RABGEF1: variants seen among roughly 807,000 people sequenced by gnomAD.
RABGEF1 encodes rab5 GDP/GTP exchange factor.
Under a neutral mutation model 57.3 loss-of-function variants are expected in RABGEF1, and 26 were observed. That is an observed-to-expected ratio of 0.45 (90% CI 0.33 to 0.63). RABGEF1 has a LOEUF of 0.63. Among genes scored for constraint, RABGEF1 ranks in the 20% least tolerant of loss-of-function variants. The pLI is 0.02. For missense variants in RABGEF1, 464 were observed against 607.6 expected (o/e 0.76, Z 2.48); for synonymous variants, 185 against 210.7 (o/e 0.88, Z 1.06).
At chr7:66,767,480 C>A (rs933609522) in intron 1 of RABGEF1, among the ~76,000 whole-genome samples, 2 of 152,186 alleles carry the variant, frequency 1.3e-5, no homozygotes, top group Non-Finnish European at 2.9e-5. Flanking sequence ...TTCTTTCCTA[C>A]CCCTAGTTCC....
intron 3 of RABGEF1, among the ~76,000 whole-genome samples, chr7:66,781,120 T>C (rs1368532205): frequency 6.6e-6 from 1 of 152,152 alleles, no homozygotes; most frequent in Non-Finnish European, 1.5e-5. Context: ...TTTCTCTTCT[T>C]TTCTTGCCTT....
intron 1 of RABGEF1, among the ~76,000 whole-genome samples, chr7:66,705,875 AATTTTTTTTTTTTTT>A (rs1793993020): frequency 1.1e-5 from 1 of 93,770 alleles, no homozygotes; most frequent in African/African-American, 4.5e-5. Flanking sequence ...ACACCCAGCT[AATTTTTTTTTTTTTT>A]TTTTTTTTTT....
intron 2 of RABGEF1, among the ~76,000 whole-genome samples, chr7:66,723,588 G>GT (rs1012706855): frequency 2.2e-4 from 33 of 149,602 alleles, no homozygotes; most frequent in East Asian, 3.9e-4. Flanking sequence ...TTTTGTTTTT[G>GT]TTTTTTTTTG....
intron 1 of RABGEF1, among the ~76,000 whole-genome samples, chr7:66,710,605 T>C (rs1404386919): frequency 6.6e-6 from 1 of 152,226 alleles, no homozygotes; most frequent in Non-Finnish European, 1.5e-5. Flanking sequence ...TATCCTCTTA[T>C]GGTTTTAAGT....
intron 2 of RABGEF1, among the ~76,000 whole-genome samples, chr7:66,722,840 A>G (rs1284554033): frequency 3.3e-5 from 5 of 152,228 alleles, no homozygotes; most frequent in Admixed American, 6.5e-5. Flanking sequence ...TGAGATTTTG[A>G]TAAGGATTAC....
At chr7:66,774,456 C>A (rs375993120) in intron 2 of RABGEF1, among the ~76,000 whole-genome samples, 1 of 152,220 alleles carries the variant, frequency 6.6e-6, no homozygotes, top group African/African-American at 2.4e-5. Flanking sequence ...AGATTCCCTA[C>A]CCTCTGGAGC....
intron 4 of RABGEF1, among the ~76,000 whole-genome samples, chr7:66,794,093 A>T (rs1373516128): frequency 4.6e-5 from 7 of 152,146 alleles, no homozygotes; most frequent in Non-Finnish European, 1.0e-4. Flanking sequence ...GGTTGCTAAA[A>T]AATTTAGTTA....
intron 2 of RABGEF1, among the ~76,000 whole-genome samples, chr7:66,729,463 C>T (rs765531571): frequency 3.3e-5 from 5 of 152,184 alleles, no homozygotes; most frequent in Non-Finnish European, 5.9e-5. Flanking sequence ...CACTTCTGTC[C>T]TCCCCTTCCT....
chr7:66,699,691 CA>C (rs66868045), intron 1 of RABGEF1, among the ~76,000 whole-genome samples: 54,606 of 136,294 alleles, frequency 0.4, 10,330 homozygotes, highest in Middle Eastern at 0.58. Flanking sequence ...AATTCCATCT[CA>C]AAAAAAAAAA....
the RABGEF1 span, chr7:66,667,359 G>A: frequency 6.6e-6 from 1 of 152,318 alleles, no homozygotes; most frequent in African/African-American, 2.4e-5. Context: ...CATCCATTTT[G>A]TTCCCGCTGA....
At chr7:66,705,413 G>A (rs1793867113) in intron 1 of RABGEF1, among the ~76,000 whole-genome samples, 2 of 127,670 alleles carry the variant, frequency 1.6e-5, no homozygotes, top group Admixed American at 9.5e-5. Flanking sequence ...CTCCAGCCTG[G>A]GCAACAGAGC....
At chr7:66,793,854 C>T (rs1188374366) in intron 4 of RABGEF1, among the ~76,000 whole-genome samples, 3 of 152,188 alleles carry the variant, frequency 2.0e-5, no homozygotes, top group South Asian at 2.1e-4. Context: ...TGGGCTTCCA[C>T]AGGATGTATC....
At chr7:66,775,699 C>T (rs1308867233) in intron 3 of RABGEF1, among the ~76,000 whole-genome samples, 1 of 152,092 alleles carries the variant, frequency 6.6e-6, no homozygotes, top group Non-Finnish European at 1.5e-5. Context: ...GTTTTTGTGC[C>T]TTTATTTGTG....
intron 3 of RABGEF1, among the ~76,000 whole-genome samples, chr7:66,781,339 A>T (rs944836380): frequency 6.6e-6 from 1 of 152,150 alleles, no homozygotes; most frequent in African/African-American, 2.4e-5. Flanking sequence ...CTTAGACGGG[A>T]ATTTTTAAAT....
At chr7:66,773,909 G>T (rs750589473) in intron 2 of RABGEF1, 38 of 410,492 alleles carry the variant, frequency 9.3e-5, no homozygotes, top group South Asian at 6.8e-4. Context: ...CAAGTGATCC[G>T]GCCGCCTTGG....
rs1361623031 is a variant in RABGEF1, at chr7:66,767,250, G to A, written c.-17-4633G>A. ...ACTCCTGCCCTCAGGTGATCCACCC[G>A]CCTCAGCCTCCCAAAGTGCTGGGAT... On this transcript the variant is annotated intron_variant, in intron 1 of 8. Transcript: ENST00000284957. Among the ~76,000 whole-genome samples, 8 of 151,742 alleles carry A rather than the reference G, an allele frequency of 5.3e-5. No individual in the cohort carries two copies. In the East Asian group the frequency reaches 1.2e-3, roughly 22 times the overall value.
chr7:66,793,187 G>C (rs1813143399), intron 4 of RABGEF1, among the ~76,000 whole-genome samples: 1 of 152,116 alleles, frequency 6.6e-6, no homozygotes, highest in South Asian at 2.1e-4. Context: ...CGAGAGCCTT[G>C]GGACCAGAAG....
chr7:66,675,592 A>G, the RABGEF1 span, among the ~76,000 whole-genome samples: 1 of 152,180 alleles, frequency 6.6e-6, no homozygotes, highest in African/African-American at 2.4e-5. Context: ...AGTCAGGACA[A>G]TTCAGCAAGA....
chr7:66,773,382 T>C (rs1807689667), intron 2 of RABGEF1, among the ~76,000 whole-genome samples: 1 of 152,212 alleles, frequency 6.6e-6, no homozygotes, highest in Non-Finnish European at 1.5e-5. Context: ...TTCTTGTCTG[T>C]CCCAGAGAAA....
Sources: gnomAD v4.1 joint callset for allele counts (sites outside exome capture counted in the v4.1 genomes callset) on GRCh38, gnomAD v4.1.1 for gene constraint, MANE v1.5 for transcripts, NCBI Gene and HGNC (gene_info 2026-07-23, HGNC 2026-07-21) for gene names.